Variants in GFPT1 observed in about 807,000 individuals in gnomAD.
GFPT1 encodes glutamine--fructose-6-phosphate transaminase 1, also known as glutamine--fructose-6-phosphate aminotransferase [isomerizing] 1.
In GFPT1, 40 loss-of-function variants were observed where a neutral mutation model predicts 92.0. That is an observed-to-expected ratio of 0.43 (90% CI 0.34 to 0.57). GFPT1 has a LOEUF of 0.57. GFPT1 is among the 20% of genes least tolerant of loss of function. The pLI, the probability that GFPT1 is intolerant of heterozygous loss-of-function variation, is 0.02. For synonymous variants in GFPT1, 269 were observed against 280.6 expected (o/e 0.96, Z 0.41); for missense variants, 448 against 869.1 (o/e 0.52, Z 6.09).
chr2:69,387,057 C>A lies in GFPT1; in HGVS notation c.7+8G>T. 1 of 1,534,536 alleles carries A rather than the reference C, an allele frequency of 6.5e-7. No individual in the cohort carries two copies. On this transcript the variant is annotated splice_region_variant and intron_variant, in intron 1 of 19. Transcript: ENST00000357308. ...CGGCAACACGCCCCCCGCTCCCGGC[C>A]CCCTTACCACACATGATGCCGGAGA...
rs2104585166 is a variant in GFPT1, at chr2:69,320,838, AG to A, written c.*5350del. On this transcript the variant is annotated 3_prime_UTR_variant, in exon 20 of 20. Coordinates refer to ENST00000357308, the MANE Select transcript of GFPT1 (RefSeq NM_001244710.2). The stretch of plus-strand genomic sequence containing the variant: ...AAAAAATGACGCATCTTGGTGGCGC[AG>A]CCTTAGGCTCTGGTGCAGAAGAAGA... 6.6e-6 allele frequency: 1 copy of A among 152,112 alleles called. No homozygotes were observed. Among genetic ancestry groups the A allele is most frequent in the East Asian group, 1.9e-4 (1 of 5,182 alleles). 9.4% of individuals were successfully genotyped at this position (152,112 alleles called of 1,614,324 possible).
chr2:69,333,195 C>T (rs1035703936), intron 15 of GFPT1, among the ~76,000 whole-genome samples: 2 of 152,120 alleles, frequency 1.3e-5, no homozygotes, highest in African/African-American at 2.4e-5. Flanking sequence ...AACATACTAC[C>T]AGGCCAGAGG....
chr2:69,359,682 A>G (rs1235239378), intron 4 of GFPT1, among the ~76,000 whole-genome samples: 2 of 152,212 alleles, frequency 1.3e-5, no homozygotes, highest in Non-Finnish European at 2.9e-5. Flanking sequence ...GCAAAATGAG[A>G]GAGCTGAACT....
intron 18 of GFPT1, among the ~76,000 whole-genome samples, chr2:69,327,477 C>T (rs938427911): frequency 6.6e-6 from 1 of 151,822 alleles, no homozygotes; most frequent in Non-Finnish European, 1.5e-5. Context: ...TGAAATATAT[C>T]GCGTGTGTGT....
chr2:69,386,440 C>T (rs538916996), intron 1 of GFPT1, among the ~76,000 whole-genome samples: 4 of 152,250 alleles, frequency 2.6e-5, no homozygotes, highest in South Asian at 4.2e-4. Context: ...TTATGTATAA[C>T]CTATCGCCAC....
At chr2:69,365,384 A>C (rs1016444116) in intron 3 of GFPT1, among the ~76,000 whole-genome samples, 3 of 152,160 alleles carry the variant, frequency 2.0e-5, no homozygotes, top group Admixed American at 2.0e-4. Context: ...AGGTAGGAGA[A>C]TCAATTGAAC....
intron 6 of GFPT1, 82 bp from the exon 7 acceptor site, chr2:69,356,639 G>C: frequency 2.0e-6 from 2 of 984,184 alleles, no homozygotes; most frequent in South Asian, 2.6e-5. Context: ...CTTCAGCGCA[G>C]AAATTTTTTG....
intron 19 of GFPT1, 58 bp downstream of exon 19, chr2:69,326,856 T>TCAGAATGTATCCAGGTAAAAAAC: frequency 6.6e-7 from 1 of 1,517,488 alleles, no homozygotes; most frequent in Non-Finnish European, 9.2e-7. Flanking sequence ...GAGAAAAAAA[T>TCAGAATGTATCCAGGTAAAAAAC]CAGAATGTAT....
At position 69,329,296 on chromosome 2, in the gene GFPT1, C is replaced by T. The variant is rs1195164751; in HGVS notation, c.1725+1G>A. On this transcript the variant is annotated splice_donor_variant, in intron 17 of 19. Transcript: ENST00000357308. LOFTEE classifies it high-confidence loss of function. ...TACTAATTAGAACTGAGAAAACTTACCAGTGCCCCTTCAAGACAAGTAGCA... is the reference window on the plus strand; with the variant it reads ...TACTAATTAGAACTGAGAAAACTTATCAGTGCCCCTTCAAGACAAGTAGCA... 6.2e-7 allele frequency: 1 copy of T among 1,613,602 alleles called. No homozygotes were observed. Among genetic ancestry groups the T allele is most frequent in the African/African-American group, 1.3e-5 (1 of 75,028 alleles).
chr2:69,338,464 G>T lies in GFPT1; in HGVS notation c.1305C>A (p.Cys435Ter). Residue 435 changes from cysteine (C) to a stop codon, truncating the protein, a stop_gained, in exon 14 of 20, where the codon TGC (cysteine) becomes TGA (stop). Transcript: ENST00000357308. LOFTEE classifies it high-confidence loss of function. ...RNTPVFRDDV[C>*]FFLSQSGETA... ...ACACACCTGATTGACTAAGGAAAAAGCAAACATCATCTCGAAAGACTGGTG... is the reference window on the plus strand; with the variant it reads ...ACACACCTGATTGACTAAGGAAAAATCAAACATCATCTCGAAAGACTGGTG... 1.2e-6 allele frequency: 2 copies of T among 1,613,218 alleles called. No homozygotes were observed. Among genetic ancestry groups the T allele is most frequent in the Non-Finnish European group, 1.7e-6 (2 of 1,179,274 alleles).
At chr2:69,360,494 A>AATCAT (rs1671443122) in intron 4 of GFPT1, among the ~76,000 whole-genome samples, 1 of 150,712 alleles carries the variant, frequency 6.6e-6, no homozygotes, top group South Asian at 2.1e-4. Flanking sequence ...GCTGGAGTAC[A>AATCAT]GTGGCTCAAT....
chr2:69,344,470 G>A (rs1671035507), intron 12 of GFPT1, among the ~76,000 whole-genome samples: 1 of 152,116 alleles, frequency 6.6e-6, no homozygotes, highest in Admixed American at 6.5e-5. Context: ...GGACAGGGGA[G>A]GGGATGGAGA....
intron 7 of GFPT1, among the ~76,000 whole-genome samples, chr2:69,354,999 ATATCCAAAATATTCTC>A (rs143488418): frequency 0.012 from 1,890 of 152,244 alleles, 45 homozygotes; most frequent in African/African-American, 0.043. Context: ...ACAAGATCCT[ATATCCAAAATATTCTC>A]TATCAGGGGT....
chr2:69,356,678 T>G lies in GFPT1; in HGVS notation c.544-121A>C. 3 of 753,534 alleles carry G rather than the reference T, an allele frequency of 4.0e-6. No homozygotes were observed. In the South Asian group the frequency reaches 4.2e-5, roughly 11 times the overall value. The allele number at this position is 753,534 out of a possible 1,614,324, so 46.7% of individuals were successfully genotyped here. A position where few individuals can be genotyped will look rare whatever the true frequency, so the allele number is the denominator to read the frequency against. On this transcript the variant is annotated intron_variant, in intron 6 of 19. Transcript: ENST00000357308. ...ACACAAATGCTCTTTTGTACCAGTTTATAAACAAGTCTAAAGTTTAAGTAA... is the reference window on the plus strand; with the variant it reads ...ACACAAATGCTCTTTTGTACCAGTTGATAAACAAGTCTAAAGTTTAAGTAA...
chr2:69,381,862 TC>T (rs978549326), intron 1 of GFPT1, among the ~76,000 whole-genome samples: 2 of 84,716 alleles, frequency 2.4e-5, no homozygotes, highest in Non-Finnish European at 4.3e-5. Context: ...TACTTATAAC[TC>T]TTTTTTTTTT....
chr2:69,337,103 C>T (rs1199401617), intron 15 of GFPT1, among the ~76,000 whole-genome samples: 1 of 140,294 alleles, frequency 7.1e-6, no homozygotes, highest in Non-Finnish European at 1.5e-5. Context: ...CTTGCTCTGT[C>T]ACCCAGACTG....
At chr2:69,356,654 C>T in intron 6 of GFPT1, 97 bp from the exon 7 acceptor site, 1 of 833,354 alleles carries the variant, frequency 1.2e-6, no homozygotes. Context: ...TTTTTGTTCA[C>T]ACAAATGCTC....
chr2:69,372,867 A>G (rs1301060780), intron 2 of GFPT1, among the ~76,000 whole-genome samples: 1 of 152,242 alleles, frequency 6.6e-6, no homozygotes, highest in Non-Finnish European at 1.5e-5. Context: ...CCTGTTTTCA[A>G]GGTTGGCCCT....
intron 1 of GFPT1, among the ~76,000 whole-genome samples, chr2:69,377,126 T>C (rs1376016354): frequency 6.9e-6 from 1 of 144,732 alleles, no homozygotes; most frequent in Non-Finnish European, 1.5e-5. Flanking sequence ...GAGAATTGCT[T>C]GAACCTGGGA....
Sources: allele counts gnomAD v4.1 joint callset (sites outside exome capture counted in the v4.1 genomes callset), GRCh38; gene constraint gnomAD v4.1.1; transcripts MANE v1.5; gene names NCBI Gene and HGNC (gene_info 2026-07-23, HGNC 2026-07-21).